Variants in ATG13 observed in about 807,000 individuals in gnomAD.
The protein encoded by ATG13 is autophagy-related protein 13.
In ATG13, 23 loss-of-function variants were observed where a neutral mutation model predicts 65.5. The ratio of observed to expected loss-of-function variants is 0.35; its 90% confidence interval spans 0.25 to 0.50. The LOEUF (loss-of-function observed/expected upper bound fraction) is 0.50, where lower values mean the gene tolerates loss of function less well. ATG13 is among the 20% of genes least tolerant of loss of function. ATG13 has a pLI of 0.98. For synonymous variants in ATG13, 252 were observed against 245.2 expected, an observed-to-expected ratio of 1.03 and a Z score of -0.26; for missense variants, 566 against 677.0, an observed-to-expected ratio of 0.84 and a Z score of 1.82.
chr11:46,649,943 T>TA (rs577626708), intron 6 of ATG13, among the ~76,000 whole-genome samples: 53 of 149,510 alleles, frequency 3.5e-4, no homozygotes, highest in African/African-American at 9.5e-4. Flanking sequence ...GCTTTATTTC[T>TA]AAAAAAAAAA....
intron 9 of ATG13, 150 bp from the exon 10 acceptor site, chr11:46,657,374 C>T: frequency 5.3e-6 from 5 of 937,424 alleles, no homozygotes; most frequent in East Asian, 2.6e-5. Flanking sequence ...TTGTCCAGAA[C>T]GTAGGATTGG....
intron 2 of ATG13, among the ~76,000 whole-genome samples, chr11:46,638,053 A>G (rs2136110623): frequency 6.6e-6 from 1 of 152,318 alleles, no homozygotes; most frequent in East Asian, 1.9e-4. Context: ...GTTTTGATGC[A>G]TGTCTAAATT....
At chr11:46,643,291 A>G (rs566104961) in intron 2 of ATG13, among the ~76,000 whole-genome samples, 16 of 152,282 alleles carry the variant, frequency 1.1e-4, no homozygotes, top group Admixed American at 7.9e-4. Context: ...TGATTGTAAA[A>G]AGGGAGGTCT....
chr11:46,666,026 C>T (rs2062271503), intron 14 of ATG13, among the ~76,000 whole-genome samples: 1 of 151,912 alleles, frequency 6.6e-6, no homozygotes, highest in Admixed American at 6.6e-5. Context: ...AGGCTGGTCT[C>T]GAACTCCTGG....
chr11:46,644,996 A>G (rs1160738962), intron 3 of ATG13, among the ~76,000 whole-genome samples: 2 of 152,128 alleles, frequency 1.3e-5, no homozygotes, highest in Non-Finnish European at 2.9e-5. Context: ...TGTGGCAGGG[A>G]ATATTTAAAA....
chr11:46,663,600 A>C (rs1458998646), intron 11 of ATG13, among the ~76,000 whole-genome samples: 3 of 152,174 alleles, frequency 2.0e-5, no homozygotes, highest in Non-Finnish European at 4.4e-5. Flanking sequence ...ATCCTTACTC[A>C]TCTTCAGCAC....
rs1224301109 is a variant in ATG13 at position 46,644,341 on chromosome 11, T to C, written c.50T>C (p.Ile17Thr). ...GACAGAAAGGACCTGGACAAGTTTA[T>C]TAAATTTTTTGCCCTCAAGGTAATG... Reference protein sequence around the residue: ...SQDRKDLDKFIKFFALKTVQV... With the variant: ...SQDRKDLDKFTKFFALKTVQV... Residue 17 changes from isoleucine to threonine, a missense_variant, in exon 3 of 19, where the codon ATT becomes ACT. Transcript: ENST00000683050. 2.5e-6 allele frequency: 4 copies of C among 1,611,434 alleles called. No homozygotes were observed. Among genetic ancestry groups the C allele is most frequent in the Non-Finnish European group, 2.5e-6 (3 of 1,179,292 alleles).
At chr11:46,624,249 C>T (rs1336806015) in intron 1 of ATG13, among the ~76,000 whole-genome samples, 1 of 151,000 alleles carries the variant, frequency 6.6e-6, no homozygotes, top group Admixed American at 6.6e-5. Context: ...AGTGTTTACA[C>T]TCCTCAGCCT....
intron 1 of ATG13, among the ~76,000 whole-genome samples, chr11:46,622,334 G>A (rs757050127): frequency 6.6e-6 from 1 of 151,472 alleles, no homozygotes; most frequent in Non-Finnish European, 1.5e-5. Context: ...AGCCAAGATG[G>A]TCTCGATCTC....
intron 7 of ATG13, among the ~76,000 whole-genome samples, chr11:46,655,173 G>T (rs1031997379): frequency 6.6e-6 from 1 of 152,084 alleles, no homozygotes; most frequent in Non-Finnish European, 1.5e-5. Flanking sequence ...GCTGAGACGG[G>T]CGGATCACGA....
chr11:46,661,792 C>G (rs1390380855), intron 11 of ATG13, among the ~76,000 whole-genome samples: 2 of 152,120 alleles, frequency 1.3e-5, no homozygotes, highest in Non-Finnish European at 2.9e-5. Context: ...GATCGCACCA[C>G]TGCCCTCCAG....
intron 7 of ATG13, among the ~76,000 whole-genome samples, chr11:46,655,850 A>T (rs1246707670): frequency 2.0e-5 from 3 of 151,864 alleles, no homozygotes; most frequent in African/African-American, 7.3e-5. Flanking sequence ...TGATCCTCCC[A>T]CCTCAGCCTC....
intron 11 of ATG13, among the ~76,000 whole-genome samples, chr11:46,661,184 A>T (rs28521736): frequency 1.3e-5 from 2 of 151,852 alleles, no homozygotes; most frequent in South Asian, 2.1e-4. Context: ...AAATTAAAAA[A>T]TTTTTTCCAT....
In ATG13 at chr11:46,672,441, G is replaced by C; in HGVS notation, c.*109G>C. 1 of 1,588,294 alleles carries C rather than the reference G, an allele frequency of 6.3e-7. No homozygotes were observed. Among genetic ancestry groups the C allele is most frequent in the Non-Finnish European group, 8.6e-7 (1 of 1,166,466 alleles). On this transcript the variant is annotated 3_prime_UTR_variant, in exon 19 of 19. Coordinates refer to ENST00000683050, the MANE Select transcript of ATG13 (RefSeq NM_001346311.2). Reference sequence around the variant, plus strand: ...TCATCCTGCTCTGAGCCAGGTGGAAGGGAGGCTGGCTTCTCCCATGGGGAC... The same window carrying C: ...TCATCCTGCTCTGAGCCAGGTGGAACGGAGGCTGGCTTCTCCCATGGGGAC...
At chr11:46,656,135 A>G (rs2060006421) in intron 7 of ATG13, 98 bp from the exon 8 acceptor site, 1 of 1,063,378 alleles carries the variant, frequency 9.4e-7, no homozygotes, top group Non-Finnish European at 1.4e-6. Context: ...CAGATGAGTA[A>G]GGAAGGCTTT....
At chr11:46,638,999 T>TA (rs1281805695) in intron 2 of ATG13, among the ~76,000 whole-genome samples, 22 of 147,650 alleles carry the variant, frequency 1.5e-4, no homozygotes, top group African/African-American at 3.0e-4. Context: ...TTTATTTATT[T>TA]TTTTTTGAGA....
chr11:46,630,135 A>G (rs1006570478), intron 2 of ATG13, 35 bp downstream of exon 2: 1 of 152,304 alleles, frequency 6.6e-6, no homozygotes, highest in African/African-American at 2.4e-5. Context: ...TTTTTAAGCC[A>G]TATAAAATTA....
intron 7 of ATG13, among the ~76,000 whole-genome samples, chr11:46,652,712 C>CA (rs2059166309): frequency 6.6e-6 from 1 of 151,748 alleles, no homozygotes; most frequent in Non-Finnish European, 1.5e-5. Context: ...GACTCTGTCT[C>CA]AAAAAAATAC....
intron 1 of ATG13, among the ~76,000 whole-genome samples, chr11:46,627,145 C>T (rs1591490780): frequency 6.6e-6 from 1 of 152,334 alleles, no homozygotes; most frequent in East Asian, 1.9e-4. Context: ...CTGTGGGAGG[C>T]CGCAGTGGGC....
Sources: gnomAD v4.1 joint callset for allele counts (sites outside exome capture counted in the v4.1 genomes callset) on GRCh38, gnomAD v4.1.1 for gene constraint, MANE v1.5 for transcripts, NCBI Gene and HGNC (gene_info 2026-07-23, HGNC 2026-07-21) for gene names.